Variants in CIAO3 observed in about 807,000 individuals in gnomAD.
CIAO3 encodes the protein LET1 like/JFP15.
Under a neutral mutation model 51.5 loss-of-function variants are expected in CIAO3, and 45 were observed. The observed-to-expected ratio is 0.87, with a 90% confidence interval of 0.69 to 1.12. The LOEUF (loss-of-function observed/expected upper bound fraction) is 1.12. CIAO3 is among the 50% of genes most tolerant of loss of function. The pLI, the probability that CIAO3 is intolerant of heterozygous loss-of-function variation, is 0.00. For synonymous variants in CIAO3, 314 were observed against 269.3 expected, an observed-to-expected ratio of 1.17 and a Z score of -1.63; for missense variants, 668 against 632.5, an observed-to-expected ratio of 1.06 and a Z score of -0.60.
chr16:736,836 G>C (rs1310840349), intron 3 of CIAO3, among the ~76,000 whole-genome samples: 1 of 152,160 alleles, frequency 6.6e-6, no homozygotes, highest in African/African-American at 2.4e-5. Context: ...GCTAATTCTT[G>C]TATTTTTAGT....
Position 737,593 on chromosome 16 carries a change from G to A in CIAO3, c.163-264C>T. The A allele has an allele frequency of 6.3e-6, 9 of 1,435,984 alleles. No individual in the cohort carries two copies. The South Asian group carries it at 1.1e-4, about 17-fold the overall frequency. 89.0% of individuals were successfully genotyped at this position (1,435,984 alleles called of 1,614,324 possible). ...ACTAAGGCTTGCCACTGGTATCTCA[G>A]CAAAGCAGCAGCCACCCCACTCACC... On this transcript the variant is annotated intron_variant, in intron 2 of 10. Transcript: ENST00000251588. The surrounding 1 kb of genome is among the most constrained non-coding windows in gnomAD (Gnocchi z 5.3).
chr16:740,546 C>G, intron 1 of CIAO3: 1 of 342,218 alleles, frequency 2.9e-6, no homozygotes, highest in East Asian at 6.7e-5. Flanking sequence ...CCCCGCCGCC[C>G]TCCAGCTGCG....
intron 6 of CIAO3, 81 bp downstream of exon 6, chr16:734,148 T>C: frequency 1.6e-6 from 2 of 1,260,556 alleles, no homozygotes; most frequent in African/African-American, 2.9e-5. Context: ...CTCTGTTTCC[T>C]GCAGCCTCAT....
At position 733,639 on chromosome 16, in the gene CIAO3, G is replaced by A. The variant is rs1307212919; in HGVS notation, c.694-212C>T. ...AGAAAATGACACTGACCCATTCCCAGTGTGCCTGCGCTCCCTAACAGCCAA... is the reference window on the plus strand; with the variant it reads ...AGAAAATGACACTGACCCATTCCCAATGTGCCTGCGCTCCCTAACAGCCAA... On this transcript the variant is annotated intron_variant, in intron 6 of 10. Transcript: ENST00000251588. 3 of 644,242 alleles carry A rather than the reference G, an allele frequency of 4.7e-6. No individual in the cohort carries two copies. In the African/African-American group the frequency reaches 5.5e-5, roughly 12 times the overall value. 39.9% of individuals were successfully genotyped at this position (644,242 alleles called of 1,614,324 possible). A position where few individuals can be genotyped will look rare whatever the true frequency, so the allele number is the denominator to read the frequency against.
Position 734,241 on chromosome 16 carries a change from G to A in CIAO3, c.681C>T (p.Phe227=), listed in dbSNP as rs368500730. The A allele has an allele frequency of 2.0e-5, 33 of 1,611,544 alleles. No homozygotes were observed. The highest frequency in any genetic ancestry group is 1.8e-4 in the Admixed American group (11 of 60,000). Residue 227 remains phenylalanine, a synonymous_variant, in exon 6 of 11, where the codon TTC becomes TTT. Coordinates refer to ENST00000251588, the MANE Select transcript of CIAO3 (RefSeq NM_022493.3). ...CCAACGCCGTTACCTGCTGCTGGGC[G>A]AAGAAGTCCTTGACCAGGGAGCCCA... ...QVMGSLVKDF[F]AQQQHLTPDK...
intron 2 of CIAO3, chr16:738,027 G>A: frequency 8.9e-7 from 1 of 1,118,940 alleles, no homozygotes; most frequent in Non-Finnish European, 1.1e-6. Context: ...AACTGTGTGG[G>A]AACCCCTCGC....
At chr16:733,761 C>T (rs1027901777) in intron 6 of CIAO3, 10 of 395,276 alleles carry the variant, frequency 2.5e-5, no homozygotes, top group African/African-American at 2.1e-4. Context: ...CCAGCTCCAG[C>T]CCCGGGTGAA....
At chr16:736,139 A>C in intron 4 of CIAO3, 127 bp downstream of exon 4, 4 of 1,240,130 alleles carry the variant, frequency 3.2e-6, no homozygotes, top group Non-Finnish European at 3.4e-6. Context: ...AGAGGGAATA[A>C]AGTTTCTGTA....
chr16:730,744 C>T, intron 10 of CIAO3, 89 bp from the exon 11 acceptor site: 2 of 1,579,872 alleles, frequency 1.3e-6, no homozygotes, highest in Non-Finnish European at 1.7e-6. Context: ...ACCGGGCCCC[C>T]TCTGTGCCCC....
At chr16:736,502 C>T in intron 3 of CIAO3, 104 bp from the exon 4 acceptor site, 1 of 1,403,322 alleles carries the variant, frequency 7.1e-7, no homozygotes, top group East Asian at 2.3e-5. Context: ...GAGGGCAGGC[C>T]AGCTCCATCA....
At position 730,071 on chromosome 16, in the gene CIAO3, C is replaced by T. The variant is rs1326181990; in HGVS notation, c.*346G>A. 4.0e-5 allele frequency: 17 copies of T among 427,572 alleles called. No individual in the cohort carries two copies. Among genetic ancestry groups the T allele is most frequent in the South Asian group, 1.8e-4 (7 of 39,994 alleles). 26.5% of individuals were successfully genotyped at this position (427,572 alleles called of 1,614,324 possible). A position where few individuals can be genotyped will look rare whatever the true frequency, so the allele number is the denominator to read the frequency against. On this transcript the variant is annotated 3_prime_UTR_variant, in exon 11 of 11. Transcript: ENST00000251588. The stretch of plus-strand genomic sequence containing the variant: ...CGTCTTGCTCTGCCTCAGGCAACCC[C>T]GGGACAGGCTGAAGCCCCTCACGCA...
At chr16:736,104 A>T (rs1022377098) in intron 4 of CIAO3, among the ~76,000 whole-genome samples, 162 bp downstream of exon 4, 1 of 152,172 alleles carries the variant, frequency 6.6e-6, no homozygotes, top group African/African-American at 2.4e-5. Flanking sequence ...TCAAATGTCA[A>T]ATCAAAACTT....
intron 2 of CIAO3, chr16:738,611 C>G (rs901675918): frequency 6.6e-6 from 1 of 151,972 alleles, no homozygotes; most frequent in African/African-American, 2.4e-5. Flanking sequence ...CTCGGCCTCC[C>G]AAAGTGCTGG....
chr16:734,086 G>T (rs1455490851), intron 6 of CIAO3, 143 bp downstream of exon 6: 1 of 737,578 alleles, frequency 1.4e-6, no homozygotes, highest in Non-Finnish European at 2.4e-6. Flanking sequence ...CCTGAACCAG[G>T]AGGGAACAAG....
At position 734,733 on chromosome 16, in the gene CIAO3, A is replaced by T. The variant is rs1034044162; in HGVS notation, c.574+4T>A. 1.2e-6 allele frequency: 2 copies of T among 1,612,684 alleles called. No homozygotes were observed. The highest frequency in any genetic ancestry group is 2.2e-5 in the South Asian group (2 of 91,084). On this transcript the variant is annotated splice_donor_region_variant and intron_variant, in intron 5 of 10. Transcript: ENST00000251588. ...CTCTCCCACCACCCGCACCATGAGC[A>T]CACCTGGGCAGGCAGAGGCCAGCAG... is the stretch of plus-strand genomic sequence containing the variant.
rs1045039051 is a variant in CIAO3 at position 740,762 on chromosome 16, G to T, written c.66+158C>A. ...TAAGAAGCGGGCCTCAGTGTCTGAG[G>T]CCCCGCGCCCGGGTCGATAGAGTCC... On this transcript the variant is annotated intron_variant, in intron 1 of 10. Coordinates refer to ENST00000251588, the MANE Select transcript of CIAO3 (RefSeq NM_022493.3). The T allele has an allele frequency of 7.5e-6, 5 of 663,702 alleles. No homozygotes were observed. In the East Asian group the frequency reaches 1.3e-4, roughly 18 times the overall value. The allele number at this position is 663,702 out of a possible 1,614,324, so 41.1% of individuals were successfully genotyped here.
At position 730,930 on chromosome 16, in the gene CIAO3, C is replaced by T. The variant is rs753565253; in HGVS notation, c.1105G>A (p.Gly369Ser). The stretch of plus-strand genomic sequence containing the variant: ...ACCAGGTTCTGGATGTTGCGGAAGC[C>T]GTACGCCATTGCGAAGTGCAGCAGC... ...QVLLHFAMAY[G>S]FRNIQNLVQR... is the part of the protein sequence containing the mutation. Residue 369 changes from glycine to serine, a missense_variant, in exon 10 of 11, where the codon GGC (glycine) becomes AGC (serine). Gly to Ser is a moderately conservative substitution (Grantham distance 56). Coordinates refer to ENST00000251588, the MANE Select transcript of CIAO3 (RefSeq NM_022493.3). 1.4e-5 allele frequency: 23 copies of T among 1,612,970 alleles called. No homozygotes were observed. Among genetic ancestry groups the T allele is most frequent in the Admixed American group, 3.3e-5 (2 of 60,016 alleles).
intron 1 of CIAO3, 182 bp downstream of exon 1, chr16:740,738 A>G: frequency 3.5e-6 from 2 of 565,906 alleles, no homozygotes; most frequent in East Asian, 6.8e-5. Flanking sequence ...CCTTGTTGGT[A>G]AGAAGCGGGC....
chr16:730,025 C>T lies in CIAO3; in HGVS notation c.*392G>A, dbSNP rs368840987. 1.7e-5 allele frequency: 6 copies of T among 358,702 alleles called. No individual in the cohort carries two copies. The highest frequency in any genetic ancestry group is 1.1e-4 in the African/African-American group (5 of 47,266). 22.2% of individuals were successfully genotyped at this position (358,702 alleles called of 1,614,324 possible). A position where few individuals can be genotyped will look rare whatever the true frequency, so the allele number is the denominator to read the frequency against. On this transcript the variant is annotated 3_prime_UTR_variant, in exon 11 of 11. Coordinates refer to ENST00000251588, the MANE Select transcript of CIAO3 (RefSeq NM_022493.3). ...TGCACAGAGCTTCAAGGGAAGCCTC[C>T]AGAAGTCAGGGGTGAGAACCCGTCT...
Sources: allele counts gnomAD v4.1 joint callset (sites outside exome capture counted in the v4.1 genomes callset), GRCh38; gene constraint gnomAD v4.1.1; non-coding constraint Gnocchi (gnomAD v3.1); transcripts MANE v1.5; gene names NCBI Gene and HGNC (gene_info 2026-07-23, HGNC 2026-07-21).